Variants in DCC observed in about 807,000 individuals in gnomAD.
DCC encodes netrin receptor DCC.
A neutral mutation model predicts 172.5 loss-of-function variants in DCC; 58 were observed. The observed-to-expected ratio is 0.34, with a 90% confidence interval of 0.27 to 0.42. The LOEUF (loss-of-function observed/expected upper bound fraction) is 0.42, where lower values mean the gene tolerates loss of function less well. Ranked by LOEUF, DCC falls within the 10% of genes least tolerant of loss-of-function variation. DCC has a pLI of 1.00. For synonymous variants in DCC, 709 were observed against 644.5 expected, an observed-to-expected ratio of 1.10 and a Z score of -1.52; for missense variants, 1,740 against 1,791.0, an observed-to-expected ratio of 0.97 and a Z score of 0.51.
chr18:52,355,554 T>G, intron 1 of DCC, among the ~76,000 whole-genome samples: 1 of 152,204 alleles, frequency 6.6e-6, no homozygotes, highest in East Asian at 1.9e-4. Context: ...TGGCACATAT[T>G]GAGCACTAAA....
rs534532646 is a variant in DCC at position 53,019,456 on chromosome 18, A to G, written c.986-43849A>G. Among the ~76,000 whole-genome samples the G allele has an allele frequency of 1.2e-4, 19 of 152,232 alleles. No homozygotes were observed. In the South Asian group the frequency reaches 3.9e-3, roughly 32 times the overall value. ...TAGGGTTGGTACCTTAAGAAAACTCACTGGTACTCATATCCCCAATCCAGG... is the reference window on the plus strand; with the variant it reads ...TAGGGTTGGTACCTTAAGAAAACTCGCTGGTACTCATATCCCCAATCCAGG... On this transcript the variant is annotated intron_variant, in intron 5 of 28. Transcript: ENST00000442544.
intron 15 of DCC, among the ~76,000 whole-genome samples, chr18:53,354,031 C>A (rs1243828049): frequency 4.6e-5 from 7 of 152,076 alleles, no homozygotes; most frequent in Non-Finnish European, 1.0e-4. Context: ...TCTGTCCTTG[C>A]GATAGTTTGC....
intron 1 of DCC, among the ~76,000 whole-genome samples, chr18:52,376,572 T>C (rs748295121): frequency 3.9e-5 from 6 of 152,142 alleles, no homozygotes; most frequent in Non-Finnish European, 7.4e-5. Context: ...GAAGAAAGTA[T>C]GCTCAAAACA....
intron 1 of DCC, among the ~76,000 whole-genome samples, chr18:52,397,755 G>A (rs534505662): frequency 4.3e-4 from 65 of 151,930 alleles, no homozygotes; most frequent in Non-Finnish European, 8.5e-4. Context: ...CAGTGGTATT[G>A]ACTCTGTGAC....
chr18:53,526,721 T>C lies in DCC; in HGVS notation c.4216T>C (p.Ser1406Pro), dbSNP rs749665807. The C allele has an allele frequency of 1.2e-6, 2 of 1,613,354 alleles. No individual in the cohort carries two copies. The highest frequency in any genetic ancestry group is 1.7e-6 in the Non-Finnish European group (2 of 1,179,658). The change falls in exon 28 of 29, where the codon TCT (serine) becomes CCT (proline). Residue 1406 changes from serine (S) to proline (P), a missense_variant. Ser to Pro is a moderately conservative substitution (Grantham distance 74, BLOSUM62 -1). Transcript: ENST00000442544. Reference sequence around the variant, plus strand: ...GTCTGTGCCAACAGCCCCTGAAGTGTCTGAGGAGAGCCACAAACCAACAGA... The same window carrying C: ...GTCTGTGCCAACAGCCCCTGAAGTGCCTGAGGAGAGCCACAAACCAACAGA... The part of the protein sequence containing the change: ...PVSVPTAPEV[S>P]EESHKPTEDS...
intron 2 of DCC, among the ~76,000 whole-genome samples, chr18:52,798,284 A>G (rs751881864): frequency 1.3e-5 from 2 of 152,352 alleles, no homozygotes; most frequent in African/African-American, 4.8e-5. Context: ...GAAAACAAAA[A>G]TTTGGAAAAC....
intron 1 of DCC, among the ~76,000 whole-genome samples, chr18:52,457,062 T>A (rs1177780950): frequency 6.6e-6 from 1 of 152,220 alleles, no homozygotes; most frequent in East Asian, 1.9e-4. Context: ...TTGTATGAGC[T>A]TTTCATTTCT....
At chr18:52,557,589 T>C (rs767771891) in intron 1 of DCC, among the ~76,000 whole-genome samples, 2 of 152,242 alleles carry the variant, frequency 1.3e-5, no homozygotes, top group African/African-American at 4.8e-5. Context: ...CTCAACTACA[T>C]AGAAACTTTA....
chr18:52,914,972 A>C (rs1440514662), intron 3 of DCC, among the ~76,000 whole-genome samples: 1 of 152,162 alleles, frequency 6.6e-6, no homozygotes, highest in Non-Finnish European at 1.5e-5. Context: ...GAATTTAATA[A>C]AGAAAACCGA....
At chr18:52,557,880 G>A (rs911438012) in intron 1 of DCC, among the ~76,000 whole-genome samples, 9 of 152,150 alleles carry the variant, frequency 5.9e-5, no homozygotes, top group African/African-American at 1.7e-4. Context: ...GACTGGTTTC[G>A]AACTCCTGGC....
chr18:53,480,380 C>A (rs1321185627), intron 25 of DCC, among the ~76,000 whole-genome samples: 4 of 152,172 alleles, frequency 2.6e-5, no homozygotes, highest in Admixed American at 6.6e-5. Flanking sequence ...AAATGCCTTC[C>A]TTCAGCTTAT....
At chr18:52,850,153 A>G (rs970063842) in intron 2 of DCC, among the ~76,000 whole-genome samples, 2 of 152,174 alleles carry the variant, frequency 1.3e-5, no homozygotes, top group Non-Finnish European at 2.9e-5. Flanking sequence ...ACCCTATGAA[A>G]GTAGCTCTAA....
At chr18:52,783,217 T>G (rs2037581789) in intron 2 of DCC, among the ~76,000 whole-genome samples, 2 of 151,920 alleles carry the variant, frequency 1.3e-5, no homozygotes, top group African/African-American at 2.4e-5. Context: ...TCCTACTTGT[T>G]CTTTTTACAG....
chr18:52,791,812 C>T (rs2037776993), intron 2 of DCC, among the ~76,000 whole-genome samples: 1 of 152,060 alleles, frequency 6.6e-6, no homozygotes, highest in Admixed American at 6.6e-5. Context: ...AGAATGGTTC[C>T]AGTTAACTTC....
chr18:52,463,803 G>A (rs1211622003), intron 1 of DCC, among the ~76,000 whole-genome samples: 6 of 152,148 alleles, frequency 3.9e-5, no homozygotes, highest in Non-Finnish European at 8.8e-5. Context: ...CAGACCAGCT[G>A]GAAGATATTC....
intron 12 of DCC, among the ~76,000 whole-genome samples, chr18:53,232,946 T>C (rs1010544363): frequency 2.1e-4 from 30 of 141,852 alleles, no homozygotes; most frequent in East Asian, 9.8e-4. Context: ...TTTTTTTTTT[T>C]CCCCAGGTAT....
At chr18:52,731,647 A>G (rs2036644537) in intron 1 of DCC, among the ~76,000 whole-genome samples, 3 of 152,326 alleles carry the variant, frequency 2.0e-5, no homozygotes, top group African/African-American at 7.2e-5. Context: ...GATTGACTTC[A>G]TGACATTATT....
intron 27 of DCC, among the ~76,000 whole-genome samples, chr18:53,507,149 G>A (rs1381767210): frequency 6.6e-6 from 1 of 150,846 alleles, no homozygotes; most frequent in Non-Finnish European, 1.5e-5. Flanking sequence ...GAGACTCATG[G>A]TATACATTTT....
At chr18:52,677,464 G>T (rs911539072) in intron 1 of DCC, among the ~76,000 whole-genome samples, 1 of 151,798 alleles carries the variant, frequency 6.6e-6, no homozygotes, top group Non-Finnish European at 1.5e-5. Flanking sequence ...TGCCATCCCT[G>T]GTTCTGTGAT....
Sources: allele counts gnomAD v4.1 joint callset (sites outside exome capture counted in the v4.1 genomes callset), GRCh38; gene constraint gnomAD v4.1.1; transcripts MANE v1.5; gene names NCBI Gene and HGNC (gene_info 2026-07-23, HGNC 2026-07-21).